The following CPS1 variants were observed in gnomAD, a reference collection of about 807,000 sequenced individuals.
The protein encoded by CPS1 is carbamoyl-phosphate synthase 1, also known as carbamoyl-phosphate synthase [ammonia], mitochondrial.
A neutral mutation model predicts 174.6 loss-of-function variants in CPS1; 109 were observed. That is an observed-to-expected ratio of 0.62 (90% CI 0.53 to 0.73). The LOEUF is 0.73. Ranked by LOEUF, CPS1 falls within the 30% of genes least tolerant of loss-of-function variation. The pLI, the probability that CPS1 is intolerant of heterozygous loss-of-function variation, is 0.00. For missense variants in CPS1, 1,689 were observed against 1,821.9 expected, an observed-to-expected ratio of 0.93 and a Z score of 1.33; for synonymous variants, 637 against 632.0, an observed-to-expected ratio of 1.01 and a Z score of -0.12.
At chr2:210,655,197 G>A (rs959941272) in intron 29 of CPS1, among the ~76,000 whole-genome samples, 1 of 152,062 alleles carries the variant, frequency 6.6e-6, no homozygotes, top group Non-Finnish European at 1.5e-5. Flanking sequence ...AACATCTTAA[G>A]TATTTGAAGG....
chr2:210,668,080 G>A, intron 33 of CPS1, 106 bp from the exon 34 acceptor site: 2 of 701,380 alleles, frequency 2.9e-6, no homozygotes, highest in African/African-American at 1.9e-5. Context: ...GCGTGCATGT[G>A]TGTGTGTGTG....
chr2:210,672,316 G>T (rs1007958531), intron 34 of CPS1: 2 of 152,184 alleles, frequency 1.3e-5, no homozygotes, highest in East Asian at 3.9e-4. Context: ...AAAGTTGAGT[G>T]CATGATTAAT....
chr2:210,678,909 T>C lies in CPS1; in HGVS notation c.*924T>C, dbSNP rs1290448013. On this transcript the variant is annotated 3_prime_UTR_variant, in exon 38 of 38. Coordinates refer to ENST00000233072, the MANE Select transcript of CPS1 (RefSeq NM_001875.5). ...AACTTGGAAGTAAGGTTCATTCCCT[T>C]AAGACGATGGATTCTGTTGAACTAT... The C allele has an allele frequency of 6.6e-6, 1 of 152,242 alleles. No homozygotes were observed. The highest frequency in any genetic ancestry group is 1.5e-5 in the Non-Finnish European group (1 of 68,056). The allele number at this position is 152,242 out of a possible 1,614,324, so 9.4% of individuals were successfully genotyped here. A position where few individuals can be genotyped will look rare whatever the true frequency, so the allele number is the denominator to read the frequency against.
chr2:210,538,636 A>G (rs1203732108), intron 1 of CPS1, among the ~76,000 whole-genome samples: 2 of 152,154 alleles, frequency 1.3e-5, no homozygotes, highest in Non-Finnish European at 2.9e-5. Context: ...TGGGGATGGT[A>G]GGGCTACAGT....
chr2:210,670,334 T>C (rs556467901), intron 34 of CPS1, among the ~76,000 whole-genome samples: 2 of 152,256 alleles, frequency 1.3e-5, no homozygotes, highest in East Asian at 1.9e-4. Flanking sequence ...TTTTCATTCA[T>C]GGTGTTTTTA....
At chr2:210,673,848 A>T (rs1476457840) in intron 34 of CPS1, 4 of 152,168 alleles carry the variant, frequency 2.6e-5, no homozygotes, top group Non-Finnish European at 5.9e-5. Flanking sequence ...AGAGTTGTTA[A>T]GTAAGATATT....
At chr2:210,560,968 A>G (rs181816206) in intron 1 of CPS1, among the ~76,000 whole-genome samples, 1 of 152,300 alleles carries the variant, frequency 6.6e-6, no homozygotes, top group African/African-American at 2.4e-5. Flanking sequence ...TCAGTCCCAA[A>G]TGAGCTGTTG....
chr2:210,491,307 GTTTTTTTTTTTTT>G (rs66825517), intron 1 of CPS1, among the ~76,000 whole-genome samples: 2 of 50,352 alleles, frequency 4.0e-5, no homozygotes, highest in East Asian at 6.8e-4. Flanking sequence ...TGGTATCTGT[GTTTTTTTTTTTTT>G]TTTTTTTTTT....
intron 1 of CPS1, among the ~76,000 whole-genome samples, chr2:210,534,200 G>A (rs1027835886): frequency 6.6e-6 from 1 of 152,182 alleles, no homozygotes; most frequent in Non-Finnish European, 1.5e-5. Flanking sequence ...GAGACTGCTC[G>A]CGAGGGGCTA....
At chr2:210,508,438 A>G (rs1695351459) in intron 1 of CPS1, among the ~76,000 whole-genome samples, 1 of 152,092 alleles carries the variant, frequency 6.6e-6, no homozygotes, top group South Asian at 2.1e-4. Context: ...AAAGATCTAA[A>G]ATTGACACCC....
At chr2:210,596,438 A>C (rs1232122378) in intron 13 of CPS1, among the ~76,000 whole-genome samples, 1 of 151,902 alleles carries the variant, frequency 6.6e-6, no homozygotes, top group Non-Finnish European at 1.5e-5. Context: ...CCTGGGAAAA[A>C]TAGTTGGCCA....
At chr2:210,593,352 T>C in intron 11 of CPS1, 2 of 1,128,976 alleles carry the variant, frequency 1.8e-6, no homozygotes, top group Non-Finnish European at 2.2e-6. Context: ...CAACTGGTTG[T>C]GTAGCCACTA....
At chr2:210,570,624 T>C (rs560881672) in intron 1 of CPS1, among the ~76,000 whole-genome samples, 1 of 151,944 alleles carries the variant, frequency 6.6e-6, no homozygotes, top group Non-Finnish European at 1.5e-5. Flanking sequence ...CAGTCTACAC[T>C]CAAATTTTGC....
At chr2:210,487,028 T>G (rs988695970) in intron 1 of CPS1, among the ~76,000 whole-genome samples, 5 of 152,204 alleles carry the variant, frequency 3.3e-5, no homozygotes, top group African/African-American at 1.2e-4. Context: ...GAATTCTTAC[T>G]CTGTAAATGA....
chr2:210,482,498 T>C (rs1184622159), intron 1 of CPS1, among the ~76,000 whole-genome samples: 1 of 152,020 alleles, frequency 6.6e-6, no homozygotes, highest in Non-Finnish European at 1.5e-5. Context: ...GACACAGGGT[T>C]TCACCATGTA....
At chr2:210,595,694 T>C in intron 13 of CPS1, 112 bp downstream of exon 13, 1 of 783,300 alleles carries the variant, frequency 1.3e-6, no homozygotes, top group Non-Finnish European at 2.1e-6. Flanking sequence ...CTATAATTAT[T>C]TTCCTTAACT....
chr2:210,675,115 C>T (rs1292233145), intron 35 of CPS1, among the ~76,000 whole-genome samples, 154 bp downstream of exon 35: 1 of 152,158 alleles, frequency 6.6e-6, no homozygotes, highest in Non-Finnish European at 1.5e-5. Flanking sequence ...AGAGTCAAAT[C>T]ATTAAAAAGA....
chr2:210,583,630 A>G (rs1366405618), intron 6 of CPS1, among the ~76,000 whole-genome samples: 2 of 152,140 alleles, frequency 1.3e-5, no homozygotes, highest in African/African-American at 4.8e-5. Context: ...ACAGAACAAC[A>G]TAGTATATTT....
At chr2:210,637,197 A>T (rs1304996222) in intron 21 of CPS1, among the ~76,000 whole-genome samples, 4 of 152,172 alleles carry the variant, frequency 2.6e-5, no homozygotes. Flanking sequence ...AACAAAGGGT[A>T]GAGCCGTGGG....
Sources: allele counts gnomAD v4.1 joint callset (sites outside exome capture counted in the v4.1 genomes callset), GRCh38; gene constraint gnomAD v4.1.1; transcripts MANE v1.5; gene names NCBI Gene and HGNC (gene_info 2026-07-23, HGNC 2026-07-21).